MGAT4C: variants seen among roughly 807,000 people sequenced by gnomAD.
MGAT4C encodes MGAT4 family member C, also known as alpha-1,3-mannosyl-glycoprotein 4-beta-N-acetylglucosaminyltransferase C.
A neutral mutation model predicts 40.1 loss-of-function variants in MGAT4C; 19 were observed. That is an observed-to-expected ratio of 0.47 (90% CI 0.33 to 0.70). The LOEUF (loss-of-function observed/expected upper bound fraction) is 0.70, where lower values mean the gene tolerates loss of function less well. MGAT4C is among the 30% of genes least tolerant of loss of function. The probability of loss-of-function intolerance (pLI) is 0.02; values close to 1 mark genes in which losing one functional copy is unlikely to be tolerated. For synonymous variants in MGAT4C, 181 were observed against 187.1 expected (o/e 0.97, Z 0.27); for missense variants, 491 against 563.2 (o/e 0.87, Z 1.30).
chr12:85,996,686 T>A (rs907966110), intron 2 of MGAT4C, among the ~76,000 whole-genome samples: 3 of 151,930 alleles, frequency 2.0e-5, no homozygotes, highest in Non-Finnish European at 2.9e-5. Flanking sequence ...AATGAAAGTA[T>A]CAATTTTTCA....
chr12:86,068,247 T>C (rs1894747850), intron 1 of MGAT4C: 1 of 152,196 alleles, frequency 6.6e-6, no homozygotes, highest in Non-Finnish European at 1.5e-5. Context: ...AAACTTTGGC[T>C]TGCCTTTTTG....
chr12:86,271,647 G>T (rs1952951998), intron 4 of MGAT4C, among the ~76,000 whole-genome samples: 1 of 152,146 alleles, frequency 6.6e-6, no homozygotes, highest in South Asian at 2.1e-4. Flanking sequence ...CTCATTACTT[G>T]GGTATCGGTC....
intron 2 of MGAT4C, among the ~76,000 whole-genome samples, chr12:86,665,133 T>C (rs1044571067): frequency 6.6e-6 from 1 of 151,984 alleles, no homozygotes; most frequent in Non-Finnish European, 1.5e-5. Flanking sequence ...AAGAAGATGA[T>C]ATTTCAGTTA....
chr12:86,570,917 G>A (rs1360934078), intron 2 of MGAT4C, among the ~76,000 whole-genome samples: 1 of 151,972 alleles, frequency 6.6e-6, no homozygotes, highest in Non-Finnish European at 1.5e-5. Flanking sequence ...GGGTTTAAGC[G>A]ATTCTCATGC....
chr12:86,520,850 A>C (rs1186495184), intron 2 of MGAT4C, among the ~76,000 whole-genome samples: 2 of 152,084 alleles, frequency 1.3e-5, no homozygotes, highest in African/African-American at 2.4e-5. Flanking sequence ...CTTTTTTCAC[A>C]TGCTTGTTTG....
In MGAT4C at chr12:85,989,562, A is replaced by G. The variant is rs1383846769; in HGVS notation, c.-6-10T>C. 4.4e-6 allele frequency: 7 copies of G among 1,579,686 alleles called. No homozygotes were observed. In the East Asian group the frequency reaches 1.6e-4, roughly 36 times the overall value. Reference sequence around the variant, plus strand: ...ATTTAAACATTCTCTTCTGTGGAAAAGAGACACAGAATTACTAGCAGTTGG... The same window carrying G: ...ATTTAAACATTCTCTTCTGTGGAAAGGAGACACAGAATTACTAGCAGTTGG... On this transcript the variant is annotated splice_polypyrimidine_tract_variant and intron_variant, in intron 2 of 4. Transcript: ENST00000611864.
At chr12:86,320,803 T>A (rs1452051721) in intron 4 of MGAT4C, among the ~76,000 whole-genome samples, 1 of 152,184 alleles carries the variant, frequency 6.6e-6, no homozygotes, top group Non-Finnish European at 1.5e-5. Context: ...CTAATAGCCT[T>A]GAGTGGTGAC....
intron 2 of MGAT4C, among the ~76,000 whole-genome samples, chr12:86,595,802 T>C (rs1961514375): frequency 6.6e-6 from 1 of 152,224 alleles, no homozygotes; most frequent in African/African-American, 2.4e-5. Context: ...ATTAAGTTTC[T>C]GACTTAGACT....
At chr12:86,037,379 G>T (rs565917887) in intron 2 of MGAT4C, among the ~76,000 whole-genome samples, 1 of 150,186 alleles carries the variant, frequency 6.7e-6, no homozygotes, top group African/African-American at 2.4e-5. Context: ...TAAATGTGAT[G>T]TTAGGGTGTC....
chr12:86,752,832 G>T (rs975983983), intron 1 of MGAT4C, among the ~76,000 whole-genome samples: 5 of 151,996 alleles, frequency 3.3e-5, no homozygotes, highest in African/African-American at 1.2e-4. Context: ...TATCTTGCTG[G>T]AACAATTGCC....
intron 2 of MGAT4C, among the ~76,000 whole-genome samples, chr12:86,477,342 A>G (rs1957853528): frequency 6.6e-6 from 1 of 152,000 alleles, no homozygotes; most frequent in Non-Finnish European, 1.5e-5. Flanking sequence ...ATTCTCACTT[A>G]TAAGTGGGAG....
chr12:86,215,703 T>C (rs1566160935), intron 1 of MGAT4C, among the ~76,000 whole-genome samples: 1 of 152,178 alleles, frequency 6.6e-6, no homozygotes. Flanking sequence ...ACTCATGACT[T>C]GTTCTTTCCT....
chr12:86,404,105 C>A (rs1216465125), intron 3 of MGAT4C, among the ~76,000 whole-genome samples: 17 of 152,062 alleles, frequency 1.1e-4, no homozygotes, highest in Admixed American at 1.1e-3. Context: ...ATTGCTTGAG[C>A]CCAGAAGTTT....
chr12:86,711,444 T>C (rs749999925), intron 2 of MGAT4C, among the ~76,000 whole-genome samples: 15 of 152,124 alleles, frequency 9.9e-5, no homozygotes, highest in Admixed American at 2.6e-4. Context: ...TCAGTCAGTA[T>C]ACCAAAACAG....
In MGAT4C at chr12:86,036,686, G is replaced by T. The variant is rs964216121; in HGVS notation, c.-7+12988C>A. 2.0e-5 allele frequency among the ~76,000 whole-genome samples: 3 copies of T among 149,986 alleles called. No individual in the cohort carries two copies. In the East Asian group the frequency reaches 5.8e-4, roughly 29 times the overall value. The stretch of plus-strand genomic sequence containing the variant: ...TGGATAAGCTTTTTGATGTGCTGCT[G>T]GATTCGGTTTCCAGTATTTTATTGA... On this transcript the variant is annotated intron_variant, in intron 2 of 4. Coordinates refer to ENST00000611864, the MANE Select transcript of MGAT4C (RefSeq NM_001351288.2).
intron 1 of MGAT4C, among the ~76,000 whole-genome samples, chr12:86,140,127 CT>C (rs1882623466): frequency 1.3e-5 from 2 of 152,132 alleles, no homozygotes; most frequent in African/African-American, 4.8e-5. Flanking sequence ...ATATGATAAA[CT>C]TCTTCCTGGA....
chr12:86,143,464 T>C (rs910339175), intron 1 of MGAT4C, among the ~76,000 whole-genome samples: 1 of 152,106 alleles, frequency 6.6e-6, no homozygotes, highest in Non-Finnish European at 1.5e-5. Flanking sequence ...AACAACAGTC[T>C]ATGACAATGT....
chr12:86,537,307 C>T (rs1040558194), intron 2 of MGAT4C, among the ~76,000 whole-genome samples: 2 of 151,732 alleles, frequency 1.3e-5, no homozygotes, highest in African/African-American at 4.8e-5. Flanking sequence ...ACCAACATGG[C>T]ACATGTATAC....
At chr12:86,186,730 A>G (rs1888798218) in intron 1 of MGAT4C, among the ~76,000 whole-genome samples, 1 of 152,100 alleles carries the variant, frequency 6.6e-6, no homozygotes, top group Admixed American at 6.6e-5. Context: ...ACTTGACTGC[A>G]CAATCTGTAG....
Sources: allele counts gnomAD v4.1 joint callset (sites outside exome capture counted in the v4.1 genomes callset), GRCh38; gene constraint gnomAD v4.1.1; transcripts MANE v1.5; gene names NCBI Gene and HGNC (gene_info 2026-07-23, HGNC 2026-07-21).